Variants in ABCC11 observed in about 807,000 individuals in gnomAD.
ABCC11 encodes ATP-binding cassette sub-family C member 11.
In ABCC11, 135 loss-of-function variants were observed where a neutral mutation model predicts 149.3. That is an observed-to-expected ratio of 0.90 (90% confidence interval 0.79 to 1.04). ABCC11 has a LOEUF of 1.04. ABCC11 is among the 50% of genes least tolerant of loss of function. The pLI, the probability that ABCC11 is intolerant of heterozygous loss-of-function variation, is 0.00. For missense variants in ABCC11, 1,680 were observed against 1,722.1 expected, an observed-to-expected ratio of 0.98 and a Z score of 0.43; for synonymous variants, 665 against 671.4, an observed-to-expected ratio of 0.99 and a Z score of 0.15.
chr16:48,214,178 C>T (rs1969149806), intron 9 of ABCC11, among the ~76,000 whole-genome samples: 1 of 152,048 alleles, frequency 6.6e-6, no homozygotes, highest in Non-Finnish European at 1.5e-5. Flanking sequence ...AGCAGGAATG[C>T]CTTCGTCTAG....
At chr16:48,244,318 C>G in intron 1 of ABCC11, 1 of 1,204,348 alleles carries the variant, frequency 8.3e-7, no homozygotes, top group Non-Finnish European at 1.1e-6. Flanking sequence ...GGTTTGGTGA[C>G]TGCGGGGCAG....
At chr16:48,245,601 C>T (rs2150953311) in intron 1 of ABCC11, among the ~76,000 whole-genome samples, 1 of 152,212 alleles carries the variant, frequency 6.6e-6, no homozygotes, top group East Asian at 1.9e-4. Context: ...TGTTTTAGCC[C>T]CTCCGTCCCA....
At chr16:48,186,199 C>T (rs573987598) in intron 22 of ABCC11, among the ~76,000 whole-genome samples, 5 of 152,200 alleles carry the variant, frequency 3.3e-5, no homozygotes, top group Non-Finnish European at 7.4e-5. Context: ...GAGCACATAC[C>T]GTCTCCCAAA....
At chr16:48,202,788 G>A (rs576613363) in intron 14 of ABCC11, among the ~76,000 whole-genome samples, 1 of 152,316 alleles carries the variant, frequency 6.6e-6, no homozygotes, top group Admixed American at 6.5e-5. Context: ...AGAAGGCAAT[G>A]CCACTTTTAT....
chr16:48,181,769 C>T (rs955182014), intron 23 of ABCC11, among the ~76,000 whole-genome samples: 2 of 152,180 alleles, frequency 1.3e-5, no homozygotes, highest in African/African-American at 2.4e-5. Flanking sequence ...TGCCACCACG[C>T]CAGGCTAATT....
intron 28 of ABCC11, among the ~76,000 whole-genome samples, chr16:48,169,063 A>T (rs537945573): frequency 5.9e-5 from 9 of 152,194 alleles, no homozygotes; most frequent in East Asian, 5.8e-4. Context: ...AAATTTAAAA[A>T]ATATATATAT....
At chr16:48,214,805 G>C in intron 9 of ABCC11, 76 bp downstream of exon 9, 1 of 1,572,086 alleles carries the variant, frequency 6.4e-7, no homozygotes, top group Non-Finnish European at 8.7e-7. Flanking sequence ...GACCTTTGAG[G>C]GGCATGGCTA....
At chr16:48,217,425 G>A (rs757319315) in intron 6 of ABCC11, among the ~76,000 whole-genome samples, 8 of 151,932 alleles carry the variant, frequency 5.3e-5, no homozygotes, top group African/African-American at 9.7e-5. Context: ...GTGAAACCCC[G>A]TCTCTATAAA....
intron 1 of ABCC11, among the ~76,000 whole-genome samples, chr16:48,239,865 G>C (rs1355254695): frequency 6.6e-6 from 1 of 152,098 alleles, no homozygotes; most frequent in African/African-American, 2.4e-5. Flanking sequence ...AGTGGGCAAA[G>C]GACATGAACA....
chr16:48,236,230 G>A (rs999381935), intron 1 of ABCC11, among the ~76,000 whole-genome samples: 1 of 152,162 alleles, frequency 6.6e-6, no homozygotes, highest in African/African-American at 2.4e-5. Flanking sequence ...AATTTCAGAA[G>A]CTAGGATGAT....
rs779688737 is a variant in ABCC11, at chr16:48,178,658, C to T, written c.3287G>A (p.Arg1096Gln). 20 of 1,614,000 alleles carry T rather than the reference C, an allele frequency of 1.2e-5. No individual in the cohort carries two copies. Among genetic ancestry groups the T allele is most frequent in the South Asian group, 5.5e-5 (5 of 91,076 alleles). Residue 1096 changes from arginine to glutamine, a missense_variant, in exon 24 of 30, where the codon CGG becomes CAG. Physicochemically the swap from Arg to Gln is conservative, Grantham distance 43. Coordinates refer to ENST00000356608, the MANE Select transcript of ABCC11 (RefSeq NM_001370497.1). Reference protein sequence around the residue: ...QLASSFQATARIGLETEAQFT... With the variant: ...QLASSFQATAQIGLETEAQFT... ...CTGTGCCTCTGTCTCCAAGCCAATC[C>T]GGGCAGTGGCCTGGAAGCTGGACGC...
At chr16:48,221,279 T>C (rs913928498) in intron 6 of ABCC11, among the ~76,000 whole-genome samples, 2 of 152,166 alleles carry the variant, frequency 1.3e-5, no homozygotes, top group East Asian at 3.8e-4. Context: ...AATTAAAGTA[T>C]CTGTTTCAAT....
intron 26 of ABCC11, among the ~76,000 whole-genome samples, chr16:48,174,970 C>T (rs1005590553): frequency 3.9e-5 from 6 of 152,260 alleles, no homozygotes; most frequent in South Asian, 2.1e-4. Context: ...CCAAATAGCT[C>T]GGACTACGGC....
Position 48,175,265 on chromosome 16 carries a change from T to A in ABCC11, c.3691A>T (p.Thr1231Ser). ...TGCTGGCCCGGCACTCACCTGATGG[T>A]TCCTGAGAGCAGCACTGGATCTTGA... ...IPQDPVLLSGTIRFNLDPFDR... is the reference protein window; with the variant it reads ...IPQDPVLLSGSIRFNLDPFDR... The change falls in exon 26 of 30, where the codon ACC (threonine) becomes TCC (serine). Residue 1231 changes from threonine to serine, a missense_variant. Thr to Ser is a moderately conservative substitution (Grantham distance 58). Transcript: ENST00000356608. 1.2e-6 allele frequency: 2 copies of A among 1,610,584 alleles called. No individual in the cohort carries two copies. The highest frequency in any genetic ancestry group is 1.7e-6 in the Non-Finnish European group (2 of 1,177,116).
chr16:48,236,048 G>A (rs555665709), intron 1 of ABCC11, among the ~76,000 whole-genome samples: 1 of 152,328 alleles, frequency 6.6e-6, no homozygotes, highest in African/African-American at 2.4e-5. Flanking sequence ...GCACCTGCCA[G>A]CTGGGCCCTA....
Position 48,227,832 on chromosome 16 carries a change from A to G in ABCC11, c.369T>C (p.His123=), listed in dbSNP as rs1414339358. Residue 123 remains histidine, a synonymous_variant, in exon 4 of 30, where the codon CAT becomes CAC. Transcript: ENST00000356608. ...TTTGGACATTTTTGTCTGAGGCATCATGGACTGACAGTGGAGGGATGGTGT... is the reference window on the plus strand; with the variant it reads ...TTTGGACATTTTTGTCTGAGGCATCGTGGACTGACAGTGGAGGGATGGTGT... ...DENTIPPLSV[H]DASDKNVQRL... 5 of 1,611,796 alleles carry G rather than the reference A, an allele frequency of 3.1e-6. No homozygotes were observed. Among genetic ancestry groups the G allele is most frequent in the Non-Finnish European group, 4.2e-6 (5 of 1,178,870 alleles).
At chr16:48,224,088 C>T (rs1293287957) in intron 5 of ABCC11, among the ~76,000 whole-genome samples, 194 bp downstream of exon 5, 2 of 152,168 alleles carry the variant, frequency 1.3e-5, no homozygotes, top group African/African-American at 4.8e-5. Context: ...GCAGTGGCTA[C>T]AGGGCCACTC....
At chr16:48,196,966 G>A (rs2150804398) in intron 17 of ABCC11, among the ~76,000 whole-genome samples, 1 of 149,222 alleles carries the variant, frequency 6.7e-6, no homozygotes, top group Non-Finnish European at 1.5e-5. Context: ...CTCTTTTTCT[G>A]GAATTTTAAT....
intron 4 of ABCC11, among the ~76,000 whole-genome samples, chr16:48,225,888 G>A (rs750981177): frequency 3.3e-5 from 5 of 152,102 alleles, no homozygotes; most frequent in Non-Finnish European, 2.9e-5. Flanking sequence ...AAACAAAAAC[G>A]GAGTGATTGC....
Sources: allele counts gnomAD v4.1 joint callset (sites outside exome capture counted in the v4.1 genomes callset), GRCh38; gene constraint gnomAD v4.1.1; transcripts MANE v1.5; gene names NCBI Gene and HGNC (gene_info 2026-07-23, HGNC 2026-07-21).